CFAP251: variants seen among roughly 807,000 people sequenced by gnomAD.
CFAP251 encodes cilia and flagella associated protein 251, also known as cilia- and flagella-associated protein 251.
Under a neutral mutation model 126.7 loss-of-function variants are expected in CFAP251, and 93 were observed. The ratio of observed to expected loss-of-function variants is 0.73; its 90% CI spans 0.62 to 0.87. The LOEUF (loss-of-function observed/expected upper bound fraction) is 0.87, where lower values mean the gene tolerates loss of function less well. Among genes scored for constraint, CFAP251 ranks in the 40% least tolerant of loss-of-function variants. CFAP251 has a pLI of 0.00. For synonymous variants in CFAP251, 503 were observed against 506.9 expected (o/e 0.99, Z 0.10); for missense variants, 1,287 against 1,389.2 (o/e 0.93, Z 1.17).
At chr12:121,972,779 C>T (rs748289829) in intron 17 of CFAP251, among the ~76,000 whole-genome samples, 5 of 152,268 alleles carry the variant, frequency 3.3e-5, no homozygotes, top group East Asian at 1.9e-4. Flanking sequence ...TGAGCTACCG[C>T]GCCTGGCCTC....
Position 121,921,338 on chromosome 12 carries a change from A to T in CFAP251, c.33A>T (p.Ala11=). The T allele has an allele frequency of 6.2e-7, 1 of 1,603,840 alleles. No homozygotes were observed. The highest frequency in any genetic ancestry group is 8.5e-7 in the Non-Finnish European group (1 of 1,177,350). The change falls in exon 2 of 22, where the codon GCA becomes GCT. Residue 11 remains alanine, a synonymous_variant. Transcript: ENST00000288912. ...ATGCAGCAGAAGCTCCCCGAGAAGC[A>T]ACAGGAGAAAATGGAGAAACAGAAA... MSDAAEAPRE[A]TGENGETEMK...
chr12:121,950,800 T>A (rs565640607), intron 8 of CFAP251: 1 of 151,908 alleles, frequency 6.6e-6, no homozygotes, highest in Admixed American at 6.5e-5. Context: ...TCAAGTGATC[T>A]GCCCGCCTCA....
At chr12:121,957,789 G>A (rs1043956477) in intron 11 of CFAP251, among the ~76,000 whole-genome samples, 8 of 151,630 alleles carry the variant, frequency 5.3e-5, no homozygotes, top group Admixed American at 1.3e-4. Flanking sequence ...CCTGATCCCT[G>A]ATCTCTCACC....
intron 19 of CFAP251, among the ~76,000 whole-genome samples, chr12:121,986,657 C>T (rs1236294471): frequency 6.8e-6 from 1 of 147,146 alleles, no homozygotes; most frequent in African/African-American, 2.5e-5. Flanking sequence ...CCCAGCTACT[C>T]AGGAGGCTGA....
chr12:121,938,079 A>G (rs1287670013), intron 5 of CFAP251, among the ~76,000 whole-genome samples: 1 of 151,936 alleles, frequency 6.6e-6, no homozygotes, highest in African/African-American at 2.4e-5. Context: ...ATCATGGCTC[A>G]CTGCAGCCTT....
intron 17 of CFAP251, chr12:121,969,808 C>G: frequency 1.0e-6 from 1 of 985,390 alleles, no homozygotes; most frequent in Non-Finnish European, 1.2e-6. Context: ...TTGTCTTCTT[C>G]TCAGTCGTCG....
Position 121,942,904 on chromosome 12 carries a change from A to G in CFAP251, c.1120A>G (p.Ile374Val), listed in dbSNP as rs761750369. 1 of 1,614,180 alleles carries G rather than the reference A, an allele frequency of 6.2e-7. No homozygotes were observed. Among genetic ancestry groups the G allele is most frequent in the Non-Finnish European group, 8.5e-7 (1 of 1,180,034 alleles). Residue 374 changes from isoleucine (I) to valine (V), a missense_variant, in exon 7 of 22, where the codon ATC (isoleucine) becomes GTC (valine). Ile to Val is a conservative substitution (Grantham distance 29). Coordinates refer to ENST00000288912, the MANE Select transcript of CFAP251 (RefSeq NM_144668.6). ...CTACTGTCACCTACAGAAGGTATGC[A>G]TCTGGAAGTGGACTTTGGCAGTGGA... is the stretch of plus-strand genomic sequence containing the variant. ...ISDAEVQKVC[I>V]WKWTLAVETP... is the part of the protein sequence containing the mutation.
At chr12:121,997,910 C>A (rs1391576447) in intron 19 of CFAP251, 2 of 152,020 alleles carry the variant, frequency 1.3e-5, no homozygotes, top group African/African-American at 4.8e-5. Flanking sequence ...CGCTACCACG[C>A]CGGGCTAATT....
In CFAP251 at chr12:121,999,786, A is replaced by T. The variant is rs1240841223; in HGVS notation, c.3077A>T (p.Asn1026Ile). 2 of 1,614,076 alleles carry T rather than the reference A, an allele frequency of 1.2e-6. No homozygotes were observed. Among genetic ancestry groups the T allele is most frequent in the Non-Finnish European group, 1.7e-6 (2 of 1,179,970 alleles). ...ACTGGAAAGCTAATCGACAAGATCA[A>T]CTTACCAGATTTCCTAAAAGTGTAC... Reference protein sequence around the residue: ...VDTGKLIDKINLPDFLKVYLN... With the variant: ...VDTGKLIDKIILPDFLKVYLN... Residue 1026 changes from asparagine to isoleucine, a missense_variant, in exon 20 of 22, where the codon AAC becomes ATC. Physicochemically the swap from Asn to Ile is moderately radical, Grantham distance 149. Coordinates refer to ENST00000288912, the MANE Select transcript of CFAP251 (RefSeq NM_144668.6).
At chr12:121,966,407 C>CCT (rs1882138371) in intron 15 of CFAP251, among the ~76,000 whole-genome samples, 1 of 139,276 alleles carries the variant, frequency 7.2e-6, no homozygotes, top group African/African-American at 2.7e-5. Flanking sequence ...ACTACAGGCG[C>CCT]GCACCACTAT....
At chr12:121,937,943 C>T (rs1391544182) in intron 5 of CFAP251, among the ~76,000 whole-genome samples, 3 of 152,134 alleles carry the variant, frequency 2.0e-5, no homozygotes, top group Non-Finnish European at 4.4e-5. Context: ...CTTTCTATGG[C>T]GGAATCACAG....
chr12:121,937,345 G>A (rs2135758070), intron 5 of CFAP251, among the ~76,000 whole-genome samples: 1 of 152,246 alleles, frequency 6.6e-6, no homozygotes, highest in Admixed American at 6.5e-5. Flanking sequence ...AGGACACTGG[G>A]CATTAGATTT....
At chr12:121,948,804 G>A (rs906633281) in intron 7 of CFAP251, 180 bp from the exon 8 acceptor site, 6 of 454,760 alleles carry the variant, frequency 1.3e-5, no homozygotes, top group East Asian at 4.0e-5. Context: ...ATTTGACACT[G>A]TTTATTTTAA....
intron 7 of CFAP251, chr12:121,947,633 C>T (rs1485351401): frequency 6.6e-6 from 1 of 152,116 alleles, no homozygotes; most frequent in Non-Finnish European, 1.5e-5. Flanking sequence ...TACTGAATGC[C>T]TGATGTTGTG....
In CFAP251 at chr12:121,942,047, G is replaced by T. The variant is rs79465032; in HGVS notation, c.999-487G>T. Among the ~76,000 whole-genome samples the T allele has an allele frequency of 2.9e-3, 446 of 152,248 alleles. 16 individuals are homozygous for T. The East Asian group carries it at 0.076, about 26-fold the overall frequency. On this transcript the variant is annotated intron_variant, in intron 5 of 21. Coordinates refer to ENST00000288912, the MANE Select transcript of CFAP251 (RefSeq NM_144668.6). ...ATGAGAACCTAGAGCTTGTGAAGAG[G>T]GCAAACAGCAGGCCCATTGCCTTGA...
Position 121,989,481 on chromosome 12 carries a change from C to T in CFAP251, c.3007-10235C>T, listed in dbSNP as rs1017031960. Reference sequence around the variant, plus strand: ...GGGAGGTATGGAGCAGTTGGGGTCACAGTGTTGCATGAATCGCAGAGGGGG... The same window carrying T: ...GGGAGGTATGGAGCAGTTGGGGTCATAGTGTTGCATGAATCGCAGAGGGGG... On this transcript the variant is annotated intron_variant, in intron 19 of 21. Transcript: ENST00000288912. This position sits in a 1 kb window ranked among gnomAD's most constrained non-coding sequence, Gnocchi z 4.2. Among the ~76,000 whole-genome samples, 14 of 152,220 alleles carry T rather than the reference C, an allele frequency of 9.2e-5. No individual in the cohort carries two copies. Among genetic ancestry groups the T allele is most frequent in the African/African-American group, 3.4e-4 (14 of 41,468 alleles).
intron 10 of CFAP251, among the ~76,000 whole-genome samples, chr12:121,954,902 A>G (rs943806023): frequency 3.9e-5 from 6 of 152,226 alleles, no homozygotes; most frequent in Admixed American, 3.9e-4. Flanking sequence ...AAAAGGAACT[A>G]GATTTTTTCT....
intron 19 of CFAP251, among the ~76,000 whole-genome samples, chr12:121,993,255 TC>T (rs1263133093): frequency 8.1e-6 from 1 of 123,512 alleles, no homozygotes; most frequent in Non-Finnish European, 1.7e-5. Context: ...AGACGGAGTC[TC>T]GTTCACTCAG....
At chr12:121,926,772 C>A (rs1880434697) in intron 3 of CFAP251, among the ~76,000 whole-genome samples, 1 of 151,932 alleles carries the variant, frequency 6.6e-6, no homozygotes, top group African/African-American at 2.4e-5. Flanking sequence ...TGGTGAAACC[C>A]CTCTCCACTA....
Sources: gnomAD v4.1 joint callset for allele counts (sites outside exome capture counted in the v4.1 genomes callset) on GRCh38, gnomAD v4.1.1 for gene constraint, Gnocchi (gnomAD v3.1) non-coding constraint, MANE v1.5 for transcripts, NCBI Gene and HGNC (gene_info 2026-07-23, HGNC 2026-07-21) for gene names.